The following FOXP1 variants were observed in gnomAD, a reference collection of about 807,000 sequenced individuals.
FOXP1 encodes forkhead box protein P1.
A neutral mutation model predicts 98.2 loss-of-function variants in FOXP1; 15 were observed. The observed-to-expected ratio is 0.15, with a 90% CI of 0.10 to 0.24. The LOEUF (loss-of-function observed/expected upper bound fraction) is 0.24, where lower values mean the gene tolerates loss of function less well. Among genes scored for constraint, FOXP1 ranks in the 10% least tolerant of loss-of-function variants. The pLI is 1.00. For synonymous variants in FOXP1, 371 were observed against 314.5 expected, an observed-to-expected ratio of 1.18 and a Z score of -1.90; for missense variants, 633 against 848.5, an observed-to-expected ratio of 0.75 and a Z score of 3.15.
At chr3:71,207,640 G>C (rs1291215573) in intron 5 of FOXP1, among the ~76,000 whole-genome samples, 1 of 152,068 alleles carries the variant, frequency 6.6e-6, no homozygotes, top group Non-Finnish European at 1.5e-5. Flanking sequence ...CCCTCACCCT[G>C]GTCGGTGTTG....
chr3:71,288,973 CT>C (rs2072463642), intron 5 of FOXP1, among the ~76,000 whole-genome samples: 1 of 152,166 alleles, frequency 6.6e-6, no homozygotes, highest in Non-Finnish European at 1.5e-5. Flanking sequence ...TTGTCATCAT[CT>C]TTTTTGACCA....
intron 5 of FOXP1, among the ~76,000 whole-genome samples, chr3:71,241,967 C>T (rs1403768875): frequency 6.6e-6 from 1 of 151,616 alleles, no homozygotes; most frequent in Admixed American, 6.6e-5. Flanking sequence ...GGTAAATTGC[C>T]TAAAAAAAGA....
At chr3:71,428,767 G>A (rs946032906) in intron 3 of FOXP1, among the ~76,000 whole-genome samples, 16 of 152,156 alleles carry the variant, frequency 1.1e-4, no homozygotes, top group African/African-American at 3.6e-4. Context: ...GATGTGGCCT[G>A]GACACACATA....
chr3:71,416,176 C>T (rs936043670), intron 3 of FOXP1, among the ~76,000 whole-genome samples: 3 of 151,916 alleles, frequency 2.0e-5, no homozygotes, highest in Admixed American at 1.3e-4. Context: ...GTGTATAAAA[C>T]CGAAAGGGAT....
intron 14 of FOXP1, among the ~76,000 whole-genome samples, chr3:70,985,468 C>A (rs181944459): frequency 1.2e-3 from 190 of 152,032 alleles, no homozygotes; most frequent in African/African-American, 4.3e-3. Context: ...CAATGCCTCA[C>A]CTATACATAT....
At chr3:71,438,316 A>G (rs1306757234) in intron 3 of FOXP1, among the ~76,000 whole-genome samples, 3 of 152,224 alleles carry the variant, frequency 2.0e-5, no homozygotes, top group Non-Finnish European at 2.9e-5. Flanking sequence ...TATGAGCTAC[A>G]TCGGCCGGAA....
chr3:71,492,425 C>T (rs1242434749), intron 3 of FOXP1, among the ~76,000 whole-genome samples: 1 of 150,600 alleles, frequency 6.6e-6, no homozygotes, highest in Admixed American at 6.6e-5. Flanking sequence ...GCACTCCAGC[C>T]TGGAACAATT....
intron 6 of FOXP1, among the ~76,000 whole-genome samples, chr3:71,128,538 C>T (rs1433969514): frequency 6.6e-6 from 1 of 152,130 alleles, no homozygotes; most frequent in Non-Finnish European, 1.5e-5. Flanking sequence ...ATGTTGGCCT[C>T]TGATAAATTA....
chr3:71,269,692 G>C (rs2070139562), intron 5 of FOXP1, among the ~76,000 whole-genome samples: 1 of 152,126 alleles, frequency 6.6e-6, no homozygotes, highest in Non-Finnish European at 1.5e-5. Flanking sequence ...ATATAAAGTT[G>C]GTGCAGTTTT....
At chr3:71,413,455 G>A (rs148305170) in intron 3 of FOXP1, among the ~76,000 whole-genome samples, 1 of 152,034 alleles carries the variant, frequency 6.6e-6, no homozygotes, top group East Asian at 1.9e-4. Flanking sequence ...CACACATACT[G>A]TACTTTTACT....
In FOXP1 at chr3:70,970,785, T is replaced by C; in HGVS notation, c.1673A>G (p.Asn558Ser). 1 of 1,613,798 alleles carries C rather than the reference T, an allele frequency of 6.2e-7. No homozygotes were observed. The highest frequency in any genetic ancestry group is 8.5e-7 in the Non-Finnish European group (1 of 1,179,688). ...KISGNPSLIK[N>S]MQSSHAYCTP... The stretch of plus-strand genomic sequence containing the variant: ...GCAGTAGGCGTGGCTGCTCTGCATG[T>C]TTTTAATAAGGGAAGGGTTACTGTG... Residue 558 changes from asparagine to serine, a missense_variant, in exon 19 of 21, where the codon AAC becomes AGC. Physicochemically the swap from Asn to Ser is conservative, Grantham distance 46. Transcript: ENST00000649528.
intron 11 of FOXP1, among the ~76,000 whole-genome samples, chr3:71,041,114 G>C (rs1211306114): frequency 6.6e-6 from 1 of 152,094 alleles, no homozygotes; most frequent in Non-Finnish European, 1.5e-5. Context: ...CCTAAGCTGA[G>C]AGTAGATCTA....
At chr3:71,445,273 T>G (rs2086310494) in intron 3 of FOXP1, among the ~76,000 whole-genome samples, 1 of 152,190 alleles carries the variant, frequency 6.6e-6, no homozygotes, top group African/African-American at 2.4e-5. Context: ...TCAGGGCTGC[T>G]GTGAACAGCT....
chr3:71,495,525 G>T (rs1002908769), intron 2 of FOXP1, among the ~76,000 whole-genome samples: 2 of 151,966 alleles, frequency 1.3e-5, no homozygotes, highest in Admixed American at 6.6e-5. Context: ...GTAACTTTTC[G>T]GTACTCTCTA....
At chr3:71,411,620 C>T (rs2108275227) in intron 3 of FOXP1, among the ~76,000 whole-genome samples, 1 of 152,320 alleles carries the variant, frequency 6.6e-6, no homozygotes, top group Admixed American at 6.5e-5. Flanking sequence ...CTGCGCCCGG[C>T]TGAATGGTCT....
Position 71,198,402 on chromosome 3 carries a change from G to T in FOXP1, c.-11-10C>A. ...ATCATGACTCAAAAACCTGATACAA[G>T]GATTTCCAAGATGGGGGGAGGGAGG... On this transcript the variant is annotated splice_polypyrimidine_tract_variant and intron_variant, in intron 5 of 20. Transcript: ENST00000649528. The T allele has an allele frequency of 1.1e-6, 1 of 940,330 alleles. No individual in the cohort carries two copies. Among genetic ancestry groups the T allele is most frequent in the Non-Finnish European group, 1.6e-6 (1 of 630,054 alleles). The allele number at this position is 940,330 out of a possible 1,614,324, so 58.2% of individuals were successfully genotyped here. A position where few individuals can be genotyped will look rare whatever the true frequency, so the allele number is the denominator to read the frequency against.
At chr3:71,578,138 T>C (rs1401908395) in intron 2 of FOXP1, among the ~76,000 whole-genome samples, 1 of 152,118 alleles carries the variant, frequency 6.6e-6, no homozygotes, top group Non-Finnish European at 1.5e-5. Flanking sequence ...GGAAACCCTT[T>C]CTCGGTCGTG....
At chr3:71,356,115 C>G (rs551668618) in intron 4 of FOXP1, among the ~76,000 whole-genome samples, 6 of 148,440 alleles carry the variant, frequency 4.0e-5, no homozygotes, top group Admixed American at 2.1e-4. Context: ...TCAGCCTGCA[C>G]GAGCGAAACC....
intron 5 of FOXP1, among the ~76,000 whole-genome samples, chr3:71,252,097 C>G (rs1212770568): frequency 6.8e-6 from 1 of 147,354 alleles, no homozygotes; most frequent in African/African-American, 2.6e-5. Context: ...GACTTTTTTT[C>G]TTCTTGATAA....
Sources: allele counts gnomAD v4.1 joint callset (sites outside exome capture counted in the v4.1 genomes callset), GRCh38; gene constraint gnomAD v4.1.1; transcripts MANE v1.5; gene names NCBI Gene and HGNC (gene_info 2026-07-23, HGNC 2026-07-21).